HCN1: variants seen among roughly 807,000 people sequenced by gnomAD.
HCN1 encodes the protein potassium/sodium hyperpolarization-activated cyclic nucleotide-gated channel 1.
In HCN1, 13 loss-of-function variants were observed where a neutral mutation model predicts 78.9. The observed-to-expected ratio is 0.16, with a 90% CI of 0.11 to 0.26. The LOEUF (loss-of-function observed/expected upper bound fraction) is 0.26. HCN1 is among the 10% of genes least tolerant of loss of function. HCN1 has a pLI of 1.00. For synonymous variants in HCN1, 552 were observed against 455.5 expected (o/e 1.21, Z -2.70); for missense variants, 810 against 1,154.3 (o/e 0.70, Z 4.32).
At chr5:45,591,811 T>C (rs943723912) in intron 2 of HCN1, among the ~76,000 whole-genome samples, 9 of 152,310 alleles carry the variant, frequency 5.9e-5, no homozygotes, top group African/African-American at 2.2e-4. Flanking sequence ...AGGTTATCAA[T>C]TGTTTATTTC....
chr5:45,282,559 G>T (rs1267381146), intron 6 of HCN1, among the ~76,000 whole-genome samples: 1 of 152,160 alleles, frequency 6.6e-6, no homozygotes, highest in Admixed American at 6.5e-5. Context: ...GGATGCTACT[G>T]TCAGTGGAAT....
At chr5:45,331,339 A>G (rs976142528) in intron 5 of HCN1, among the ~76,000 whole-genome samples, 1 of 151,238 alleles carries the variant, frequency 6.6e-6, no homozygotes, top group African/African-American at 2.4e-5. Flanking sequence ...CTTCCTAGGG[A>G]ACAGACACTA....
At chr5:45,583,935 T>A (rs181185807) in intron 2 of HCN1, among the ~76,000 whole-genome samples, 92 of 152,140 alleles carry the variant, frequency 6.0e-4, no homozygotes, top group Non-Finnish European at 2.5e-4. Flanking sequence ...TGTTGAGGAG[T>A]GCTTTACTTC....
At chr5:45,352,035 C>G (rs1262931140) in intron 5 of HCN1, among the ~76,000 whole-genome samples, 3 of 152,098 alleles carry the variant, frequency 2.0e-5, no homozygotes, top group African/African-American at 2.4e-5. Flanking sequence ...GGGTAATACC[C>G]AAAGGACTAT....
chr5:45,298,487 C>A lies in HCN1; in HGVS notation c.1618+5112G>T, dbSNP rs539710329. Among the ~76,000 whole-genome samples the A allele has an allele frequency of 1.8e-4, 28 of 151,996 alleles. No homozygotes were observed. In the South Asian group the frequency reaches 5.6e-3, roughly 30 times the overall value. ...CAGGAAATAAGAAAAAATTTACCCA[C>A]AATAATGAGGACAAAGGGACAGAGG... On this transcript the variant is annotated intron_variant, in intron 6 of 7. Transcript: ENST00000303230.
intron 2 of HCN1, among the ~76,000 whole-genome samples, chr5:45,538,602 G>A (rs1743020546): frequency 6.6e-6 from 1 of 152,004 alleles, no homozygotes; most frequent in Non-Finnish European, 1.5e-5. Flanking sequence ...AAAAAGGCTT[G>A]GTCTGAGTTT....
chr5:45,303,962 A>G (rs919500832), intron 5 of HCN1, 123 bp from the exon 6 acceptor site: 51 of 937,702 alleles, frequency 5.4e-5, no homozygotes, highest in Admixed American at 8.4e-5. Flanking sequence ...ACAAAAATTC[A>G]TAAATTCTAG....
chr5:45,596,737 C>T (rs1744507754), intron 2 of HCN1, among the ~76,000 whole-genome samples: 1 of 152,148 alleles, frequency 6.6e-6, no homozygotes, highest in Non-Finnish European at 1.5e-5. Flanking sequence ...TTAAGCTATG[C>T]ACATTTTGTC....
At chr5:45,531,994 C>T (rs1337165274) in intron 2 of HCN1, among the ~76,000 whole-genome samples, 2 of 152,086 alleles carry the variant, frequency 1.3e-5, no homozygotes, top group East Asian at 1.9e-4. Context: ...GAGCCGAGAT[C>T]GCACCACTGC....
chr5:45,422,627 T>C (rs1740251616), intron 3 of HCN1, among the ~76,000 whole-genome samples: 1 of 152,210 alleles, frequency 6.6e-6, no homozygotes, highest in Non-Finnish European at 1.5e-5. Flanking sequence ...ACCATAAATT[T>C]GTGCATGTAG....
intron 3 of HCN1, among the ~76,000 whole-genome samples, chr5:45,433,009 T>C (rs530871507): frequency 1.1e-3 from 168 of 152,068 alleles, no homozygotes; most frequent in African/African-American, 3.9e-3. Flanking sequence ...TCATATCTCA[T>C]GAGACTTACG....
At chr5:45,653,301 C>T (rs1008426016) in intron 1 of HCN1, among the ~76,000 whole-genome samples, 10 of 152,194 alleles carry the variant, frequency 6.6e-5, no homozygotes, top group African/African-American at 2.4e-4. Flanking sequence ...TGGAGTTGAT[C>T]TCCTCTTGTC....
At chr5:45,291,472 A>G (rs935012417) in intron 6 of HCN1, among the ~76,000 whole-genome samples, 1 of 151,944 alleles carries the variant, frequency 6.6e-6, no homozygotes, top group African/African-American at 2.4e-5. Flanking sequence ...ACTTCAGGAG[A>G]TTTGCACTTG....
intron 2 of HCN1, among the ~76,000 whole-genome samples, chr5:45,562,881 C>G (rs893448778): frequency 6.6e-6 from 1 of 152,030 alleles, no homozygotes; most frequent in African/African-American, 2.4e-5. Flanking sequence ...TAATAAAAGG[C>G]AACATTAATT....
chr5:45,573,699 T>C lies in HCN1; in HGVS notation c.849+71486A>G, dbSNP rs557643816. On this transcript the variant is annotated intron_variant, in intron 2 of 7. Transcript: ENST00000303230. ...TATACTTAAAAAAAATCTATGAGGG[T>C]TGAAAATATTGAGATGATTGATTTA... is the stretch of plus-strand genomic sequence containing the variant. Among the ~76,000 whole-genome samples the C allele has an allele frequency of 3.9e-5, 6 of 152,068 alleles. 1 individual carries two copies. The South Asian group carries it at 1.0e-3, about 26-fold the overall frequency.
At chr5:45,385,253 C>T (rs575752479) in intron 4 of HCN1, among the ~76,000 whole-genome samples, 9 of 151,806 alleles carry the variant, frequency 5.9e-5, no homozygotes, top group Non-Finnish European at 1.2e-4. Context: ...ACCTAATATC[C>T]CTTATTGCTA....
chr5:45,652,132 A>T, intron 1 of HCN1, among the ~76,000 whole-genome samples: 1 of 151,978 alleles, frequency 6.6e-6, no homozygotes, highest in East Asian at 1.9e-4. Context: ...AACCTATGAA[A>T]GTATTAAGTT....
chr5:45,269,892 C>G (rs531617946), intron 6 of HCN1, among the ~76,000 whole-genome samples: 1 of 152,296 alleles, frequency 6.6e-6, no homozygotes, highest in East Asian at 1.9e-4. Flanking sequence ...GGCTCCCGTT[C>G]TTTGTACGTA....
chr5:45,370,804 A>C (rs913800906), intron 4 of HCN1, among the ~76,000 whole-genome samples: 1 of 152,118 alleles, frequency 6.6e-6, no homozygotes, highest in Non-Finnish European at 1.5e-5. Flanking sequence ...ATGCAAAAAA[A>C]TGTTAAAGAT....
Sources: gnomAD v4.1 joint callset for allele counts (sites outside exome capture counted in the v4.1 genomes callset) on GRCh38, gnomAD v4.1.1 for gene constraint, MANE v1.5 for transcripts, NCBI Gene and HGNC (gene_info 2026-07-23, HGNC 2026-07-21) for gene names.